Variants in N4BP1 observed in about 807,000 individuals in gnomAD.
N4BP1 encodes NEDD4 binding protein 1.
A neutral mutation model predicts 70.9 loss-of-function variants in N4BP1; 21 were observed. The observed-to-expected ratio is 0.30, with a 90% confidence interval of 0.21 to 0.43. The LOEUF (loss-of-function observed/expected upper bound fraction) is 0.43. N4BP1 is among the 20% of genes least tolerant of loss of function. N4BP1 has a pLI of 1.00. For synonymous variants in N4BP1, 387 were observed against 394.6 expected (o/e 0.98, Z 0.23); for missense variants, 936 against 1,069.4 (o/e 0.88, Z 1.74).
chr16:48,593,430 G>A (rs1964364780), intron 1 of N4BP1, among the ~76,000 whole-genome samples: 1 of 152,190 alleles, frequency 6.6e-6, no homozygotes, highest in Non-Finnish European at 1.5e-5. Flanking sequence ...TAAGTTTAGA[G>A]GGTTAAAGGA....
chr16:48,595,135 T>C (rs1933691092), intron 1 of N4BP1, among the ~76,000 whole-genome samples: 1 of 152,202 alleles, frequency 6.6e-6, no homozygotes, highest in Admixed American at 6.5e-5. Flanking sequence ...TCTTTTTCTT[T>C]ACTTTTTTTG....
intron 2 of N4BP1, among the ~76,000 whole-genome samples, chr16:48,558,628 A>C (rs554037199): frequency 6.6e-6 from 1 of 152,348 alleles, no homozygotes; most frequent in South Asian, 2.1e-4. Flanking sequence ...TATTTGGAAA[A>C]TCCTTCCACA....
chr16:48,545,447 G>A (rs543020193), intron 6 of N4BP1, among the ~76,000 whole-genome samples: 85 of 144,630 alleles, frequency 5.9e-4, no homozygotes, highest in Admixed American at 2.0e-3. Context: ...GCATGGTGGC[G>A]TGCACCTGTA....
chr16:48,565,328 T>C (rs1441480309), intron 1 of N4BP1, among the ~76,000 whole-genome samples: 1 of 152,206 alleles, frequency 6.6e-6, no homozygotes, highest in Non-Finnish European at 1.5e-5. Flanking sequence ...TTGAGGAAGT[T>C]ACCTATTCTC....
intron 2 of N4BP1, among the ~76,000 whole-genome samples, chr16:48,555,928 A>G (rs1348631924): frequency 1.3e-5 from 2 of 152,090 alleles, no homozygotes; most frequent in Non-Finnish European, 2.9e-5. Context: ...TGTGCTACCT[A>G]CTCTCCCTCT....
chr16:48,553,430 A>T, intron 3 of N4BP1, 109 bp downstream of exon 3: 1 of 1,127,860 alleles, frequency 8.9e-7, no homozygotes, highest in Non-Finnish European at 1.2e-6. Context: ...TTTTATTTTT[A>T]AAGCCGCTGC....
At chr16:48,568,230 G>A (rs1963969546) in intron 1 of N4BP1, among the ~76,000 whole-genome samples, 1 of 152,022 alleles carries the variant, frequency 6.6e-6, no homozygotes, top group South Asian at 2.1e-4. Flanking sequence ...GCACTGACCC[G>A]TGTTGTCACC....
At position 48,538,758 on chromosome 16, in the gene N4BP1, C is replaced by CAAGT. The variant is rs2151082348; in HGVS notation, c.*4142_*4145dup. 6.6e-6 allele frequency: 1 copy of CAAGT among 152,266 alleles called. No individual in the cohort carries two copies. The highest frequency in any genetic ancestry group is 1.9e-4 in the East Asian group (1 of 5,162). 9.4% of individuals were successfully genotyped at this position (152,266 alleles called of 1,614,324 possible). A position where few individuals can be genotyped will look rare whatever the true frequency, so the allele number is the denominator to read the frequency against. The stretch of plus-strand genomic sequence containing the variant: ...GAGCAGACATTTATTAAGCACCTAT[C>CAAGT]AAGTGCAAGGCACTGTGCTAGGCGC... On this transcript the variant is annotated 3_prime_UTR_variant, in exon 7 of 7. Transcript: ENST00000262384.
chr16:48,577,646 C>A, intron 1 of N4BP1: 1 of 223,094 alleles, frequency 4.5e-6, no homozygotes, highest in South Asian at 8.0e-5. Context: ...TTCCAGAGGT[C>A]GGGGGTCAGG....
intron 1 of N4BP1, among the ~76,000 whole-genome samples, chr16:48,579,059 G>C (rs1431445405): frequency 6.6e-6 from 1 of 152,180 alleles, no homozygotes; most frequent in African/African-American, 2.4e-5. Flanking sequence ...TCACAACCAA[G>C]AGGATGCTCT....
At position 48,551,399 on chromosome 16, in the gene N4BP1, A is replaced by G; in HGVS notation, c.2104T>C (p.Ser702Pro). ...GGCCTTTCATACCTGTCATCATGAGAAGCAATTCTTTCTCCAAAGACCATC... is the reference window on the plus strand; with the variant it reads ...GGCCTTTCATACCTGTCATCATGAGGAGCAATTCTTTCTCCAAAGACCATC... ...ARMVFGERIA[S>P]HDDRFLLHLA... The change falls in exon 4 of 7, where the codon TCT (serine) becomes CCT (proline). Residue 702 changes from serine to proline, a missense_variant. By Grantham distance (74) the Ser-to-Pro change is moderately conservative. Coordinates refer to ENST00000262384, the MANE Select transcript of N4BP1 (RefSeq NM_153029.4). The G allele has an allele frequency of 6.2e-7, 1 of 1,613,370 alleles. No individual in the cohort carries two copies. The highest frequency in any genetic ancestry group is 8.5e-7 in the Non-Finnish European group (1 of 1,179,430).
intron 1 of N4BP1, among the ~76,000 whole-genome samples, chr16:48,603,887 T>C (rs1460279233): frequency 6.6e-6 from 1 of 152,192 alleles, no homozygotes; most frequent in Non-Finnish European, 1.5e-5. Flanking sequence ...TCTGTTTCCC[T>C]GTCCTAGCTT....
intron 1 of N4BP1, among the ~76,000 whole-genome samples, chr16:48,582,269 A>C (rs1275431843): frequency 6.6e-6 from 1 of 152,162 alleles, no homozygotes; most frequent in African/African-American, 2.4e-5. Flanking sequence ...CTCCAGAAAT[A>C]AGCAATTCAT....
At chr16:48,593,575 A>C (rs912621496) in intron 1 of N4BP1, among the ~76,000 whole-genome samples, 3 of 152,254 alleles carry the variant, frequency 2.0e-5, no homozygotes, top group Admixed American at 6.5e-5. Flanking sequence ...TGAACATTGG[A>C]ATAAAAGTGC....
chr16:48,602,305 G>C (rs1645311258), intron 1 of N4BP1, among the ~76,000 whole-genome samples: 1 of 152,142 alleles, frequency 6.6e-6, no homozygotes, highest in Non-Finnish European at 1.5e-5. Context: ...ATTAATTACT[G>C]TAAGGATTTC....
chr16:48,548,066 A>C lies in N4BP1; in HGVS notation c.2166T>G (p.Asn722Lys). Residue 722 changes from asparagine to lysine, a missense_variant, in exon 5 of 7, where the codon AAT becomes AAG. Asn to Lys is a moderately conservative substitution (Grantham distance 94). Transcript: ENST00000262384. ...CATTCACAAATTCTCTGAAATTATC[A>C]TTTGTCACAATTATGCCACCAGTTT... Reference protein sequence around the residue: ...ADKTGGIIVTNDNFREFVNES... With the variant: ...ADKTGGIIVTKDNFREFVNES... 6.2e-7 allele frequency: 1 copy of C among 1,613,056 alleles called. No individual in the cohort carries two copies. The highest frequency in any genetic ancestry group is 8.5e-7 in the Non-Finnish European group (1 of 1,179,012).
At chr16:48,607,850 T>C (rs1462316517) in intron 1 of N4BP1, among the ~76,000 whole-genome samples, 3 of 140,916 alleles carry the variant, frequency 2.1e-5, no homozygotes, top group Admixed American at 7.3e-5. Context: ...TCTACAATGC[T>C]GGCTTTCTGA....
chr16:48,561,061 G>T lies in N4BP1; in HGVS notation c.1582C>A (p.Gln528Lys), dbSNP rs201358817. The change falls in exon 2 of 7, where the codon CAG becomes AAG. Residue 528 changes from glutamine (Q) to lysine (K), a missense_variant. Gln to Lys is a moderately conservative substitution (Grantham distance 53, BLOSUM62 1). This residue lies in a region of N4BP1 where 515 missense variants were observed against 491.7 expected (regional missense o/e 1.05). Transcript: ENST00000262384. ...TTTGGAAGCAAGGGTTCTGGCTGCT[G>T]GTGTAAACCATTTTCAGGAAAAAGT... ...VPLFPENGLH[Q>K]QPEPLLPNNM... 1.2e-6 allele frequency: 2 copies of T among 1,613,916 alleles called. No individual in the cohort carries two copies. The highest frequency in any genetic ancestry group is 4.5e-5 in the East Asian group (2 of 44,888).
At chr16:48,560,156 A>C (rs1302135405) in intron 2 of N4BP1, among the ~76,000 whole-genome samples, 1 of 152,176 alleles carries the variant, frequency 6.6e-6, no homozygotes, top group African/African-American at 2.4e-5. Context: ...AACTAAGAGG[A>C]GTTCCAAGAC....
Sources: allele counts gnomAD v4.1 joint callset (sites outside exome capture counted in the v4.1 genomes callset), GRCh38; gene constraint gnomAD v4.1.1; regional missense constraint gnomAD v4.1.1; transcripts MANE v1.5; gene names NCBI Gene and HGNC (gene_info 2026-07-23, HGNC 2026-07-21).